CHAT: variants seen among roughly 807,000 people sequenced by gnomAD.
CHAT encodes choline O-acetyltransferase.
In CHAT, 61 loss-of-function variants were observed where a neutral mutation model predicts 76.9. The observed-to-expected ratio is 0.79, with a 90% CI of 0.65 to 0.98. The LOEUF is 0.98. Among genes scored for constraint, CHAT ranks in the 50% least tolerant of loss-of-function variants. The pLI is 0.00. For missense variants in CHAT, 946 were observed against 986.9 expected (o/e 0.96, Z 0.56); for synonymous variants, 407 against 397.4 (o/e 1.02, Z -0.29).
chr10:49,638,203 G>A (rs1839357869), intron 7 of CHAT, among the ~76,000 whole-genome samples: 1 of 152,144 alleles, frequency 6.6e-6, no homozygotes, highest in Non-Finnish European at 1.5e-5. Context: ...TATGTCTCTG[G>A]TAAGTTTTCT....
At chr10:49,656,283 GTTTT>G (rs566849400) in intron 13 of CHAT, among the ~76,000 whole-genome samples, 46 of 121,248 alleles carry the variant, frequency 3.8e-4, no homozygotes, top group African/African-American at 1.4e-3. Flanking sequence ...TATTCAGTGG[GTTTT>G]TTTTTTTTTT....
rs549813865 is a variant in CHAT, at chr10:49,648,832, C to T, written c.1382+225C>T. On this transcript the variant is annotated intron_variant, in intron 9 of 14. Transcript: ENST00000337653. ...CCATGGATAGGAGGCAGCAGATTTA[C>T]GGCAGTCAGGGAGAAGCATGGCAAG... Among the ~76,000 whole-genome samples, 5 of 152,178 alleles carry T rather than the reference C, an allele frequency of 3.3e-5. No individual in the cohort carries two copies. In the South Asian group the frequency reaches 1.0e-3, roughly 32 times the overall value.
intron 11 of CHAT, 124 bp from the exon 12 acceptor site, chr10:49,654,971 G>T: frequency 9.6e-7 from 1 of 1,040,770 alleles, no homozygotes; most frequent in South Asian, 1.3e-5. Context: ...ATATTAAAAT[G>T]AAATATTCTG....
intron 7 of CHAT, among the ~76,000 whole-genome samples, chr10:49,629,070 G>A (rs999375648): frequency 3.3e-5 from 5 of 152,222 alleles, no homozygotes; most frequent in African/African-American, 1.2e-4. Flanking sequence ...TGGCCCGTTC[G>A]CTTACCTTGA....
At chr10:49,610,328 A>C, upstream of CHAT, 2 of 176,866 alleles carry the variant, frequency 1.1e-5, no homozygotes, top group East Asian at 1.4e-4. Context: ...ACGCGAGGGG[A>C]GGGGAGCGCA....
chr10:49,623,198 T>C (rs912314586), intron 5 of CHAT, among the ~76,000 whole-genome samples: 1 of 152,192 alleles, frequency 6.6e-6, no homozygotes, highest in African/African-American at 2.4e-5. Flanking sequence ...CCCCTCCAGC[T>C]CACCGTCCTG....
chr10:49,627,583 C>T (rs1838966217), intron 6 of CHAT, 25 bp from the exon 7 acceptor site: 3 of 1,613,478 alleles, frequency 1.9e-6, no homozygotes, highest in Non-Finnish European at 2.5e-6. Flanking sequence ...CAACAAGTGA[C>T]ATGTTTGACC....
At chr10:49,610,030 A>G (rs874273), upstream of CHAT, among the ~76,000 whole-genome samples, 31,402 of 150,686 alleles carry the variant, frequency 0.21, 4,045 homozygotes, top group South Asian at 0.29. Flanking sequence ...GGCGGGGGGC[A>G]GGCAGGGGGC....
chr10:49,648,193 C>T (rs1839743077), intron 8 of CHAT, among the ~76,000 whole-genome samples: 1 of 152,168 alleles, frequency 6.6e-6, no homozygotes, highest in South Asian at 2.1e-4. Flanking sequence ...ACCCAGGCCC[C>T]AAGGGCAGCT....
At chr10:49,617,874 C>T (rs1392914379) in intron 2 of CHAT, among the ~76,000 whole-genome samples, 2 of 152,102 alleles carry the variant, frequency 1.3e-5, no homozygotes, top group Non-Finnish European at 2.9e-5. Context: ...AGGAGCAGCC[C>T]GTAGTTGGCA....
chr10:49,615,915 C>T (rs760507307), intron 1 of CHAT: 7 of 909,294 alleles, frequency 7.7e-6, no homozygotes, highest in Non-Finnish European at 1.2e-5. Flanking sequence ...AGTCTCCCTG[C>T]CCTGGCCACA....
intron 7 of CHAT, among the ~76,000 whole-genome samples, chr10:49,644,659 C>T (rs1839600579): frequency 6.6e-6 from 1 of 151,958 alleles, no homozygotes; most frequent in African/African-American, 2.4e-5. Flanking sequence ...GGCTGGCTTC[C>T]CAGAGTAGAA....
In CHAT at chr10:49,614,134, C is replaced by A; in HGVS notation, c.-56C>A. The A allele has an allele frequency of 6.7e-7, 1 of 1,499,912 alleles. No homozygotes were observed. The highest frequency in any genetic ancestry group is 8.9e-7 in the Non-Finnish European group (1 of 1,126,846). The allele number at this position is 1,499,912 out of a possible 1,614,324, so 92.9% of individuals were successfully genotyped here. ...GCCCGAGTTCCTCCGGGAAGCGCTC[C>A]GGGTAGATTCTGGGGGCCGGGAGCT... On this transcript the variant is annotated 5_prime_UTR_variant, in exon 1 of 15. Transcript: ENST00000337653.
chr10:49,642,874 C>G (rs987225918), intron 7 of CHAT, among the ~76,000 whole-genome samples: 4 of 152,236 alleles, frequency 2.6e-5, no homozygotes, highest in Admixed American at 1.3e-4. Flanking sequence ...CCCAAGCTGC[C>G]AGGTATCCTA....
intron 12 of CHAT, 74 bp downstream of exon 12, chr10:49,655,310 C>T (rs1840000898): frequency 3.7e-6 from 6 of 1,611,920 alleles, no homozygotes; most frequent in South Asian, 3.3e-5. Context: ...GCAGTGGGCT[C>T]GGCCCTCTGA....
intron 7 of CHAT, among the ~76,000 whole-genome samples, chr10:49,639,808 C>T (rs1187270177): frequency 6.6e-6 from 1 of 152,128 alleles, no homozygotes; most frequent in Admixed American, 6.5e-5. Flanking sequence ...GTCGTTTCTG[C>T]TCTGCCCTCT....
At chr10:49,624,539 T>C (rs1414084847) in intron 5 of CHAT, among the ~76,000 whole-genome samples, 2 of 152,190 alleles carry the variant, frequency 1.3e-5, no homozygotes, top group African/African-American at 2.4e-5. Flanking sequence ...CAGTCTCCTG[T>C]TCACTGGTTT....
In CHAT at chr10:49,615,935, C is replaced by T. The variant is rs8178987; in HGVS notation, c.287-567C>T. On this transcript the variant is annotated intron_variant, in intron 1 of 14. Coordinates refer to ENST00000337653, the MANE Select transcript of CHAT (RefSeq NM_020549.5). ...CCCTGCCCTGGCCACAGGCCAGGCT[C>T]CCAATTAGCCCAGATGCATCCTGGA... 0.1 allele frequency: 118,043 copies of T among 1,164,328 alleles called. 6,527 individuals carry two copies. The highest frequency in any genetic ancestry group is 0.11 in the African/African-American group (7,244 of 66,254). The allele number at this position is 1,164,328 out of a possible 1,614,324, so 72.1% of individuals were successfully genotyped here. A position where few individuals can be genotyped will look rare whatever the true frequency, so the allele number is the denominator to read the frequency against.
At chr10:49,648,738 C>T (rs1014860177) in intron 9 of CHAT, 131 bp downstream of exon 9, 1 of 660,538 alleles carries the variant, frequency 1.5e-6, no homozygotes, top group Non-Finnish European at 2.7e-6. Flanking sequence ...CACACACACA[C>T]ACACACACAC....
Sources: gnomAD v4.1 joint callset for allele counts (sites outside exome capture counted in the v4.1 genomes callset) on GRCh38, gnomAD v4.1.1 for gene constraint, MANE v1.5 for transcripts, NCBI Gene and HGNC (gene_info 2026-07-23, HGNC 2026-07-21) for gene names.